EXOC4: variants seen among roughly 807,000 people sequenced by gnomAD.
The protein encoded by EXOC4 is exocyst complex component 4.
In EXOC4, 71 loss-of-function variants were observed where a neutral mutation model predicts 107.2. The observed-to-expected ratio is 0.66, with a 90% CI of 0.55 to 0.81. EXOC4 has a LOEUF of 0.81. EXOC4 is among the 30% of genes least tolerant of loss of function. The probability of loss-of-function intolerance (pLI) is 0.00; values close to 1 mark genes in which losing one functional copy is unlikely to be tolerated. For synonymous variants in EXOC4, 456 were observed against 441.2 expected (o/e 1.03, Z -0.42); for missense variants, 1,108 against 1,189.6 (o/e 0.93, Z 1.01).
the EXOC4 span, among the ~76,000 whole-genome samples, chr7:134,098,630 G>A: frequency 2.0e-5 from 3 of 152,138 alleles, no homozygotes; most frequent in African/African-American, 7.2e-5. Context: ...TCTAGCAGTT[G>A]GAAGTGAAGA....
rs79756642 is a variant in EXOC4, at chr7:133,591,160, T to C, written c.1418-38885T>C. Among the ~76,000 whole-genome samples, 326 of 152,308 alleles carry C rather than the reference T, an allele frequency of 2.1e-3. 2 individuals carry two copies. The highest frequency in any genetic ancestry group is 7.7e-3 in the African/African-American group (320 of 41,564). On this transcript the variant is annotated intron_variant, in intron 9 of 17. Coordinates refer to ENST00000253861, the MANE Select transcript of EXOC4 (RefSeq NM_021807.4). ...ATTTCAATTGCAGCATCTCCCGAGT[T>C]GCTGAGAGTATAGGCATGTACCACC...
the EXOC4 span, among the ~76,000 whole-genome samples, chr7:134,093,696 T>C: frequency 6.6e-6 from 1 of 152,118 alleles, no homozygotes; most frequent in African/African-American, 2.4e-5. Flanking sequence ...ATCAATAAAT[T>C]TTTAAAACTC....
chr7:133,696,984 C>T (rs144199082), intron 10 of EXOC4, among the ~76,000 whole-genome samples: 2 of 152,220 alleles, frequency 1.3e-5, no homozygotes, highest in African/African-American at 4.8e-5. Context: ...GTACTGTTAC[C>T]TGTTGTAGGA....
At chr7:133,606,414 T>C (rs1283433254) in intron 9 of EXOC4, among the ~76,000 whole-genome samples, 1 of 152,132 alleles carries the variant, frequency 6.6e-6, no homozygotes, top group Non-Finnish European at 1.5e-5. Context: ...ATATCTTCAC[T>C]GAATACTCCT....
intron 14 of EXOC4, among the ~76,000 whole-genome samples, chr7:133,975,486 A>G (rs979950144): frequency 2.0e-5 from 3 of 152,192 alleles, no homozygotes; most frequent in Admixed American, 6.5e-5. Flanking sequence ...GAATGTTATC[A>G]TATCATATTG....
In EXOC4 at chr7:133,931,680, TCATACTAATG is replaced by T. The variant is rs1406831623; in HGVS notation, c.2028-6207_2028-6198del. On this transcript the variant is annotated intron_variant, in intron 13 of 17. Transcript: ENST00000253861. ...GTGTTTTCAAAACATAATAAATCTC[TCATACTAATG>T]CATTTGAACTTATCACACACCTTGA... Among the ~76,000 whole-genome samples, 4 of 152,296 alleles carry T rather than the reference TCATACTAATG, an allele frequency of 2.6e-5. No homozygotes were observed. In the East Asian group the frequency reaches 7.7e-4, roughly 29 times the overall value.
intron 11 of EXOC4, among the ~76,000 whole-genome samples, chr7:133,823,052 A>C (rs1254287656): frequency 6.6e-6 from 1 of 152,224 alleles, no homozygotes; most frequent in Non-Finnish European, 1.5e-5. Flanking sequence ...GGGCAATGTG[A>C]GACAGAGGCA....
At chr7:134,001,474 T>G in intron 15 of EXOC4, among the ~76,000 whole-genome samples, 1 of 12,026 alleles carries the variant, frequency 8.3e-5, no homozygotes, top group East Asian at 0.022. Context: ...TTTAATTTCT[T>G]TTTTTTTTTT....
chr7:133,591,565 TGTGC>T (rs1348377939), intron 9 of EXOC4, among the ~76,000 whole-genome samples: 57 of 12,426 alleles, frequency 4.6e-3, no homozygotes, highest in African/African-American at 6.9e-3. Context: ...TGTGTGTGTG[TGTGC>T]GTGTGTGTGT....
chr7:133,309,651 A>G (rs1047900802), intron 4 of EXOC4, among the ~76,000 whole-genome samples: 3 of 152,188 alleles, frequency 2.0e-5, no homozygotes, highest in Non-Finnish European at 2.9e-5. Context: ...TTGTGGAAAA[A>G]AAGGTCAGCC....
chr7:133,853,563 T>C (rs575250244), intron 11 of EXOC4, among the ~76,000 whole-genome samples: 2 of 152,246 alleles, frequency 1.3e-5, no homozygotes, highest in Admixed American at 6.5e-5. Flanking sequence ...CTCATCAGTT[T>C]TTGACTATCG....
At chr7:133,353,737 CTCTT>C (rs1795962078) in intron 5 of EXOC4, among the ~76,000 whole-genome samples, 1 of 152,024 alleles carries the variant, frequency 6.6e-6, no homozygotes, top group Non-Finnish European at 1.5e-5. Context: ...GCTCTTTTCT[CTCTT>C]TCTTCTCCTT....
intron 10 of EXOC4, among the ~76,000 whole-genome samples, chr7:133,808,058 A>G (rs181900495): frequency 2.0e-5 from 3 of 152,288 alleles, no homozygotes; most frequent in Admixed American, 1.3e-4. Context: ...CACACATTAC[A>G]AATAAGAGCA....
intron 11 of EXOC4, among the ~76,000 whole-genome samples, chr7:133,885,763 G>A (rs1799072151): frequency 6.6e-6 from 1 of 152,232 alleles, no homozygotes; most frequent in Non-Finnish European, 1.5e-5. Flanking sequence ...GCAGAAATTA[G>A]CCTGGTGCAG....
intron 9 of EXOC4, among the ~76,000 whole-genome samples, chr7:133,489,526 C>T (rs1037386673): frequency 2.0e-5 from 3 of 152,140 alleles, no homozygotes; most frequent in African/African-American, 7.2e-5. Flanking sequence ...CTTAAGTCGT[C>T]CATGAGAAGG....
Position 133,933,358 on chromosome 7 carries a change from C to T in EXOC4, c.2028-4533C>T, listed in dbSNP as rs539367233. Reference sequence around the variant, plus strand: ...TAGGCTTCTATGTGAGCCTGTTGGCCAACTGATTTGGAAGGCAAGTCCTCA... The same window carrying T: ...TAGGCTTCTATGTGAGCCTGTTGGCTAACTGATTTGGAAGGCAAGTCCTCA... On this transcript the variant is annotated intron_variant, in intron 13 of 17. Transcript: ENST00000253861. Among the ~76,000 whole-genome samples, 5 of 152,128 alleles carry T rather than the reference C, an allele frequency of 3.3e-5. No individual in the cohort carries two copies. The East Asian group carries it at 9.7e-4, about 29-fold the overall frequency.
At chr7:133,826,719 A>G (rs1033028347) in intron 11 of EXOC4, among the ~76,000 whole-genome samples, 1 of 152,192 alleles carries the variant, frequency 6.6e-6, no homozygotes, top group Admixed American at 6.5e-5. Context: ...ATTTTCTACC[A>G]AGTAGAAAGC....
intron 14 of EXOC4, among the ~76,000 whole-genome samples, chr7:133,954,852 C>T (rs1800777507): frequency 6.6e-6 from 1 of 152,224 alleles, no homozygotes; most frequent in Non-Finnish European, 1.5e-5. Context: ...GTGGGATGGA[C>T]AACTCCAGGG....
At chr7:133,789,229 A>G (rs958497904) in intron 10 of EXOC4, among the ~76,000 whole-genome samples, 5 of 152,206 alleles carry the variant, frequency 3.3e-5, no homozygotes, top group East Asian at 3.9e-4. Flanking sequence ...CTGGACCAGC[A>G]TCTATTCCGG....
Sources: gnomAD v4.1 joint callset for allele counts (sites outside exome capture counted in the v4.1 genomes callset) on GRCh38, gnomAD v4.1.1 for gene constraint, MANE v1.5 for transcripts, NCBI Gene and HGNC (gene_info 2026-07-23, HGNC 2026-07-21) for gene names.